TMEM230: variants seen among roughly 807,000 people sequenced by gnomAD.
TMEM230 encodes UPF0414 transmembrane protein C20orf30.
Under a neutral mutation model 15.8 loss-of-function variants are expected in TMEM230, and 10 were observed. The observed-to-expected ratio is 0.63, with a 90% confidence interval of 0.39 to 1.07. The LOEUF is 1.07. TMEM230 is among the 50% of genes least tolerant of loss of function. TMEM230 has a pLI of 0.01. For synonymous variants in TMEM230, 67 were observed against 76.9 expected, an observed-to-expected ratio of 0.87 and a Z score of 0.68; for missense variants, 165 against 193.3, an observed-to-expected ratio of 0.85 and a Z score of 0.87.
At chr20:5,069,776 C>T (rs555119786) in intron 3 of TMEM230, among the ~76,000 whole-genome samples, 4 of 152,206 alleles carry the variant, frequency 2.6e-5, no homozygotes, top group Admixed American at 1.3e-4. Flanking sequence ...GTGGCACCAT[C>T]TCGGCTCACT....
At chr20:5,112,558 G>A (rs1322124494) in intron 1 of TMEM230, among the ~76,000 whole-genome samples, 1 of 152,232 alleles carries the variant, frequency 6.6e-6, no homozygotes, top group East Asian at 1.9e-4. Context: ...GATTCTAAAA[G>A]ACGGGAAAAA....
At chr20:5,092,170 G>T (rs1026457094) in intron 3 of TMEM230, among the ~76,000 whole-genome samples, 1 of 152,122 alleles carries the variant, frequency 6.6e-6, no homozygotes, top group Non-Finnish European at 1.5e-5. Flanking sequence ...GGTCTGATAC[G>T]ATTGACAAGA....
At chr20:5,074,900 C>T (rs1416344771) in intron 3 of TMEM230, among the ~76,000 whole-genome samples, 4 of 152,144 alleles carry the variant, frequency 2.6e-5, no homozygotes, top group South Asian at 2.1e-4. Flanking sequence ...TGGCCTCAAG[C>T]GATTCTTCCG....
chr20:5,112,578 G>A (rs777031177), intron 1 of TMEM230: 3 of 679,004 alleles, frequency 4.4e-6, no homozygotes, highest in Non-Finnish European at 6.1e-6. Flanking sequence ...ATAAAAACGA[G>A]CATTTTCAAA....
intron 3 of TMEM230, among the ~76,000 whole-genome samples, chr20:5,071,754 A>C (rs2088837314): frequency 6.6e-6 from 1 of 151,756 alleles, no homozygotes; most frequent in African/African-American, 2.4e-5. Context: ...GTCTTCTTTT[A>C]TTTTTTGAGA....
intron 4 of TMEM230, among the ~76,000 whole-genome samples, chr20:5,102,199 A>C (rs930225393): frequency 2.0e-5 from 3 of 152,246 alleles, no homozygotes; most frequent in African/African-American, 7.2e-5. Context: ...AGAGAACAAA[A>C]TGTAAAAGAA....
chr20:5,072,337 T>A (rs2088853366), intron 3 of TMEM230, among the ~76,000 whole-genome samples: 1 of 152,108 alleles, frequency 6.6e-6, no homozygotes, highest in Non-Finnish European at 1.5e-5. Flanking sequence ...CAAACAAGCA[T>A]GAGCCTCCAT....
In TMEM230 at chr20:5,090,784, C is replaced by G. The variant is rs553538525; in HGVS notation, c.222+15404G>C. On this transcript the variant is annotated intron_variant, in intron 3 of 3. Transcript: ENST00000612323. ...AAATGGAGGGACTGAAAGCACGTGT[C>G]TGCGATGAAGGATGACCAAAGAGCA... is the stretch of plus-strand genomic sequence containing the variant. 9.9e-5 allele frequency among the ~76,000 whole-genome samples: 15 copies of G among 152,192 alleles called. No homozygotes were observed. In the South Asian group the frequency reaches 3.1e-3, roughly 32 times the overall value.
chr20:5,083,710 T>C (rs1845258482), intron 3 of TMEM230, among the ~76,000 whole-genome samples: 1 of 152,242 alleles, frequency 6.6e-6, no homozygotes, highest in Non-Finnish European at 1.5e-5. Flanking sequence ...CTAGGCTTGT[T>C]AAATGGACAG....
chr20:5,079,125 T>C (rs1349878299), intron 3 of TMEM230, among the ~76,000 whole-genome samples: 1 of 152,204 alleles, frequency 6.6e-6, no homozygotes, highest in African/African-American at 2.4e-5. Flanking sequence ...AGAATCACCC[T>C]GTTTTAATTT....
chr20:5,066,935 C>T (rs1346706122), downstream of TMEM230, among the ~76,000 whole-genome samples: 1 of 152,140 alleles, frequency 6.6e-6, no homozygotes, highest in Non-Finnish European at 1.5e-5. Context: ...CTTTTAATTG[C>T]TCCCACTGAC....
rs1478306408 is a variant in TMEM230 at position 5,100,168 on chromosome 20, C to T, written c.*623G>A. On this transcript the variant is annotated 3_prime_UTR_variant, in exon 5 of 5. Transcript: ENST00000342308. ...ATGATGCAAATTATATGCTGTCCAA[C>T]CTACTGGTGAACTGGATCAGAATGG... The T allele has an allele frequency of 1.0e-6, 1 of 985,228 alleles. No homozygotes were observed. Among genetic ancestry groups the T allele is most frequent in the Non-Finnish European group, 1.2e-6 (1 of 829,938 alleles). The allele number at this position is 985,228 out of a possible 1,614,324, so 61.0% of individuals were successfully genotyped here.
At chr20:5,085,930 G>A (rs567543587) in intron 3 of TMEM230, among the ~76,000 whole-genome samples, 5 of 152,208 alleles carry the variant, frequency 3.3e-5, no homozygotes, top group Non-Finnish European at 2.9e-5. Context: ...CATACCTGCC[G>A]TGTCACCTCT....
chr20:5,070,781 G>C (rs995987095), intron 3 of TMEM230, among the ~76,000 whole-genome samples: 1 of 152,140 alleles, frequency 6.6e-6, no homozygotes, highest in Admixed American at 6.6e-5. Context: ...TCTTTATTTT[G>C]CTTTTGAGAC....
chr20:5,064,314 C>T (rs538183243), downstream of TMEM230, among the ~76,000 whole-genome samples: 25 of 151,048 alleles, frequency 1.7e-4, no homozygotes, highest in South Asian at 4.2e-4. Flanking sequence ...CAGTGGCTCA[C>T]GCCTGTAATC....
chr20:5,078,672 G>C (rs2089080275), intron 3 of TMEM230, among the ~76,000 whole-genome samples: 1 of 152,188 alleles, frequency 6.6e-6, no homozygotes, highest in Non-Finnish European at 1.5e-5. Context: ...ACTCAGAAAT[G>C]ACACATATTG....
At position 5,091,079 on chromosome 20, in the gene TMEM230, G is replaced by A. The variant is rs750410113; in HGVS notation, c.222+15109C>T. ...AGTGGCGAGATCATGGCTCACTGCC[G>A]CCTTGAACTCGTGGACTCAAGCGAA... On this transcript the variant is annotated intron_variant, in intron 3 of 3. Coordinates refer to the TMEM230 transcript ENST00000612323. Among the ~76,000 whole-genome samples, 8 of 152,168 alleles carry A rather than the reference G, an allele frequency of 5.3e-5. No homozygotes were observed. In the East Asian group the frequency reaches 7.7e-4, roughly 15 times the overall value.
At chr20:5,091,601 G>A (rs2089508802) in intron 3 of TMEM230, among the ~76,000 whole-genome samples, 1 of 152,036 alleles carries the variant, frequency 6.6e-6, no homozygotes, top group Non-Finnish European at 1.5e-5. Context: ...GGATATGATG[G>A]GCTGACTGTA....
downstream of TMEM230, among the ~76,000 whole-genome samples, chr20:5,063,721 T>C (rs2088627596): frequency 6.6e-6 from 1 of 152,140 alleles, no homozygotes. Flanking sequence ...TGCATATACA[T>C]ACAGATGTAC....
Sources: allele counts gnomAD v4.1 joint callset (sites outside exome capture counted in the v4.1 genomes callset), GRCh38; gene constraint gnomAD v4.1.1; transcripts MANE v1.5; gene names NCBI Gene and HGNC (gene_info 2026-07-23, HGNC 2026-07-21).